The following VTI1A variants were observed in gnomAD, a reference collection of about 807,000 sequenced individuals.
VTI1A encodes the protein vesicle transport through interaction with t-SNAREs 1A, also known as vesicle transport through interaction with t-SNAREs homolog 1A.
Under a neutral mutation model 34.9 loss-of-function variants are expected in VTI1A, and 22 were observed. The ratio of observed to expected loss-of-function variants is 0.63; its 90% CI spans 0.45 to 0.90. The LOEUF (loss-of-function observed/expected upper bound fraction) is 0.90. Among genes scored for constraint, VTI1A ranks in the 40% least tolerant of loss-of-function variants. VTI1A has a pLI of 0.00. For synonymous variants in VTI1A, 87 were observed against 97.3 expected (o/e 0.89, Z 0.62); for missense variants, 268 against 275.6 (o/e 0.97, Z 0.20).
chr10:112,816,859 C>G lies in VTI1A; in HGVS notation c.*1476C>G. On this transcript the variant is annotated 3_prime_UTR_variant, in exon 8 of 8. Coordinates refer to ENST00000393077, the MANE Select transcript of VTI1A (RefSeq NM_145206.4). Reference sequence around the variant, plus strand: ...ACCATTATGGTTTAGAGAGGAAATGCAGAATGGCAGAATCCACCAGAGAAA... The same window carrying G: ...ACCATTATGGTTTAGAGAGGAAATGGAGAATGGCAGAATCCACCAGAGAAA... 1 of 229,658 alleles carries G rather than the reference C, an allele frequency of 4.4e-6. No homozygotes were observed. Among genetic ancestry groups the G allele is most frequent in the Non-Finnish European group, 8.6e-6 (1 of 115,768 alleles). The allele number at this position is 229,658 out of a possible 1,614,324, so 14.2% of individuals were successfully genotyped here. A position where few individuals can be genotyped will look rare whatever the true frequency, so the allele number is the denominator to read the frequency against.
At chr10:112,531,124 C>T (rs918579999) in intron 4 of VTI1A, among the ~76,000 whole-genome samples, 3 of 151,558 alleles carry the variant, frequency 2.0e-5, no homozygotes, top group Admixed American at 6.6e-5. Context: ...TGCGCGCGCG[C>T]GCATGAACCC....
intron 7 of VTI1A, among the ~76,000 whole-genome samples, chr10:112,683,822 C>A (rs1000300692): frequency 6.6e-6 from 1 of 152,192 alleles, no homozygotes; most frequent in African/African-American, 2.4e-5. Flanking sequence ...GTGGGCAGAT[C>A]ACCTGAGGTC....
intron 7 of VTI1A, among the ~76,000 whole-genome samples, chr10:112,798,743 CTATT>C (rs1213969927): frequency 4.6e-5 from 7 of 152,326 alleles, no homozygotes; most frequent in African/African-American, 1.7e-4. Flanking sequence ...AACTGAGGCA[CTATT>C]TGTTCTCCGG....
At chr10:112,627,187 C>T (rs1206578592) in intron 5 of VTI1A, among the ~76,000 whole-genome samples, 1 of 152,200 alleles carries the variant, frequency 6.6e-6, no homozygotes, top group Non-Finnish European at 1.5e-5. Flanking sequence ...TATTCAGAAT[C>T]TCTGGGGATA....
chr10:112,587,113 T>A (rs1338428940), intron 5 of VTI1A, among the ~76,000 whole-genome samples: 4 of 152,196 alleles, frequency 2.6e-5, no homozygotes, highest in Non-Finnish European at 4.4e-5. Flanking sequence ...ATATTTCTTT[T>A]ACAGGGATCA....
At chr10:112,572,711 G>T (rs965830825) in intron 5 of VTI1A, among the ~76,000 whole-genome samples, 1 of 150,746 alleles carries the variant, frequency 6.6e-6, no homozygotes, top group East Asian at 1.9e-4. Flanking sequence ...GGTGGCGGGC[G>T]CCTGTAGTCC....
chr10:112,669,059 C>A, intron 7 of VTI1A, 61 bp downstream of exon 7: 1 of 1,582,122 alleles, frequency 6.3e-7, no homozygotes, highest in South Asian at 1.1e-5. Context: ...ACTATGTTTT[C>A]ATTCAATTGC....
chr10:112,499,702 G>A (rs539033922), intron 3 of VTI1A, among the ~76,000 whole-genome samples: 1 of 152,228 alleles, frequency 6.6e-6, no homozygotes, highest in East Asian at 1.9e-4. Context: ...GCTGGTTAAC[G>A]CATATGTTGG....
chr10:112,820,041 G>T (rs935441004), downstream of VTI1A, among the ~76,000 whole-genome samples: 1 of 152,222 alleles, frequency 6.6e-6, no homozygotes, highest in African/African-American at 2.4e-5. Context: ...AGATGGTCCT[G>T]CAGGAGCCAC....
intron 5 of VTI1A, among the ~76,000 whole-genome samples, chr10:112,622,652 G>A (rs559431291): frequency 6.6e-6 from 1 of 152,300 alleles, no homozygotes; most frequent in South Asian, 2.1e-4. Flanking sequence ...CCCAGAGTCA[G>A]TGTGTTCATA....
At chr10:112,720,397 T>C (rs1336658050) in intron 7 of VTI1A, among the ~76,000 whole-genome samples, 1 of 152,234 alleles carries the variant, frequency 6.6e-6, no homozygotes, top group East Asian at 1.9e-4. Flanking sequence ...TATATTATAG[T>C]TTTTCAAGTA....
chr10:112,621,164 G>A (rs558349238), intron 5 of VTI1A, among the ~76,000 whole-genome samples: 63 of 152,132 alleles, frequency 4.1e-4, no homozygotes, highest in Non-Finnish European at 5.9e-4. Context: ...GACTTACAGC[G>A]TTGTTTCCTA....
intron 4 of VTI1A, 68 bp downstream of exon 4, chr10:112,527,232 T>C: frequency 1.4e-6 from 2 of 1,386,862 alleles, no homozygotes; most frequent in Non-Finnish European, 2.0e-6. Flanking sequence ...CGCACTGGGC[T>C]CTCAAGCTGC....
intron 7 of VTI1A, among the ~76,000 whole-genome samples, chr10:112,691,381 T>G (rs1848611269): frequency 6.6e-6 from 1 of 152,216 alleles, no homozygotes; most frequent in African/African-American, 2.4e-5. Context: ...CAAGGAACCC[T>G]ACATTCTAAA....
chr10:112,714,552 G>A (rs961248709), intron 7 of VTI1A, among the ~76,000 whole-genome samples: 2 of 152,184 alleles, frequency 1.3e-5, no homozygotes, highest in African/African-American at 4.8e-5. Flanking sequence ...TCTGAGCTGG[G>A]TAGTTTTCCC....
chr10:112,494,845 T>G (rs1460878207), intron 3 of VTI1A, among the ~76,000 whole-genome samples: 8 of 152,164 alleles, frequency 5.3e-5, no homozygotes, highest in African/African-American at 1.9e-4. Context: ...GACAAGTGTT[T>G]AAAGCTCTAA....
At chr10:112,669,503 T>C (rs1847770166) in intron 7 of VTI1A, among the ~76,000 whole-genome samples, 1 of 152,202 alleles carries the variant, frequency 6.6e-6, no homozygotes, top group Non-Finnish European at 1.5e-5. Flanking sequence ...TAATATGTGC[T>C]AAGAAACAAA....
chr10:112,752,515 A>T lies in VTI1A; in HGVS notation c.561-62775A>T, dbSNP rs1851138357. 3.0e-6 allele frequency: 3 copies of T among 985,312 alleles called. No homozygotes were observed. In the South Asian group the frequency reaches 1.4e-4, roughly 46 times the overall value. 61.0% of individuals were successfully genotyped at this position (985,312 alleles called of 1,614,324 possible). A position where few individuals can be genotyped will look rare whatever the true frequency, so the allele number is the denominator to read the frequency against. ...CTTTTTGACCTTTGTGCTATTTGAG[A>T]AATCTTTGAAATGCTGAAGGTATGA... On this transcript the variant is annotated intron_variant, in intron 7 of 7. Coordinates refer to ENST00000393077, the MANE Select transcript of VTI1A (RefSeq NM_145206.4).
chr10:112,555,829 T>C (rs770858206), intron 5 of VTI1A, among the ~76,000 whole-genome samples: 2 of 152,030 alleles, frequency 1.3e-5, no homozygotes, highest in Non-Finnish European at 2.9e-5. Flanking sequence ...AGTTTTGGTG[T>C]TTAAGGAGAT....
Sources: allele counts gnomAD v4.1 joint callset (sites outside exome capture counted in the v4.1 genomes callset), GRCh38; gene constraint gnomAD v4.1.1; transcripts MANE v1.5; gene names NCBI Gene and HGNC (gene_info 2026-07-23, HGNC 2026-07-21).